DNAH3: variants seen among roughly 807,000 people sequenced by gnomAD.
The protein encoded by DNAH3 is axonemal beta dynein heavy chain 3.
A neutral mutation model predicts 432.5 loss-of-function variants in DNAH3; 332 were observed. That is an observed-to-expected ratio of 0.77 (90% confidence interval 0.70 to 0.84). The LOEUF (loss-of-function observed/expected upper bound fraction) is 0.84, where lower values mean the gene tolerates loss of function less well. Among genes scored for constraint, DNAH3 ranks in the 40% least tolerant of loss-of-function variants. The pLI, the probability that DNAH3 is intolerant of heterozygous loss-of-function variation, is 0.00. For synonymous variants in DNAH3, 1,956 were observed against 1,900.2 expected, an observed-to-expected ratio of 1.03 and a Z score of -0.76; for missense variants, 4,861 against 5,114.0, an observed-to-expected ratio of 0.95 and a Z score of 1.51.
At chr16:20,991,344 C>G (rs2086548935) in intron 44 of DNAH3, among the ~76,000 whole-genome samples, 1 of 152,058 alleles carries the variant, frequency 6.6e-6, no homozygotes, top group Admixed American at 6.6e-5. Flanking sequence ...CGGCTCACAG[C>G]AACCTCCACC....
At chr16:21,101,733 G>A (rs949002809) in intron 16 of DNAH3, among the ~76,000 whole-genome samples, 12 of 152,184 alleles carry the variant, frequency 7.9e-5, no homozygotes, top group African/African-American at 2.9e-4. Flanking sequence ...AGGAGGCATT[G>A]ACATCAGAGG....
chr16:21,063,357 T>C (rs957232449), intron 24 of DNAH3, among the ~76,000 whole-genome samples: 3 of 152,114 alleles, frequency 2.0e-5, no homozygotes, highest in Non-Finnish European at 4.4e-5. Context: ...GAGACTTCCT[T>C]GTCTTTCCTT....
intron 49 of DNAH3, 56 bp downstream of exon 49, chr16:20,982,665 G>A (rs2085964972): frequency 6.9e-7 from 1 of 1,445,212 alleles, no homozygotes; most frequent in South Asian, 1.3e-5. Flanking sequence ...AATAGAGCCA[G>A]CGTCTGGACT....
intron 1 of DNAH3, among the ~76,000 whole-genome samples, chr16:21,156,385 C>T (rs990920424): frequency 4.6e-5 from 7 of 152,038 alleles, no homozygotes; most frequent in Non-Finnish European, 1.5e-5. Flanking sequence ...GCATGTGCCA[C>T]TATGCCCGGC....
chr16:20,987,688 C>G lies in DNAH3; in HGVS notation c.6882+5G>C. The G allele has an allele frequency of 6.2e-7, 1 of 1,612,052 alleles. No individual in the cohort carries two copies. The highest frequency in any genetic ancestry group is 8.5e-7 in the Non-Finnish European group (1 of 1,178,360). On this transcript the variant is annotated splice_donor_5th_base_variant and intron_variant, in intron 46 of 61. Coordinates refer to ENST00000261383, the Ensembl canonical transcript of DNAH3. Reference sequence around the variant, plus strand: ...GATCTTGGTAGTAAAATGATAGTGGCTGACCTGCAGGTGTGTGTGAGGGCA... The same window carrying G: ...GATCTTGGTAGTAAAATGATAGTGGGTGACCTGCAGGTGTGTGTGAGGGCA...
chr16:20,947,837 C>T (rs919065243), intron 57 of DNAH3, among the ~76,000 whole-genome samples: 3 of 152,116 alleles, frequency 2.0e-5, no homozygotes, highest in Non-Finnish European at 4.4e-5. Context: ...AGTGCAGTGG[C>T]ATGGTCTCAG....
chr16:21,152,188 T>C (rs1370663748), intron 1 of DNAH3, among the ~76,000 whole-genome samples: 1 of 151,802 alleles, frequency 6.6e-6, no homozygotes. Context: ...GCACAGATCA[T>C]GCCACTGCAC....
chr16:20,985,053 G>T, intron 48 of DNAH3: 1 of 1,597,548 alleles, frequency 6.3e-7, no homozygotes, highest in South Asian at 1.1e-5. Flanking sequence ...TCTTACCGAG[G>T]ACAATGTGAA....
chr16:21,142,553 T>C (rs2092733851), intron 3 of DNAH3, among the ~76,000 whole-genome samples: 1 of 152,128 alleles, frequency 6.6e-6, no homozygotes, highest in Admixed American at 6.6e-5. Context: ...CAATAAGTGA[T>C]ATAAAAACTA....
At chr16:21,104,506 G>C (rs1471371524) in exon 16 of DNAH3, 1 of 1,613,904 alleles carries the variant, frequency 6.2e-7, no homozygotes, top group Admixed American at 1.7e-5. Context: ...GATCCCTCTT[G>C]TGAAGGAGCA....
intron 18 of DNAH3, among the ~76,000 whole-genome samples, chr16:21,095,155 G>A (rs8058903): frequency 0.3 from 45,282 of 152,056 alleles, 7,070 homozygotes; most frequent in East Asian, 0.4. Context: ...ACAAAAGTTT[G>A]GCATTTTCTT....
chr16:21,141,235 T>C, intron 4 of DNAH3, 65 bp downstream of exon 5: 1 of 1,122,288 alleles, frequency 8.9e-7, no homozygotes, highest in Non-Finnish European at 1.3e-6. Flanking sequence ...GTGGCTTTAG[T>C]GAGACCACAT....
At chr16:21,106,171 T>G (rs1414184130) in intron 15 of DNAH3, among the ~76,000 whole-genome samples, 4 of 111,966 alleles carry the variant, frequency 3.6e-5, no homozygotes. Flanking sequence ...AGAGCGAGAC[T>G]CCATCTAAAA....
intron 41 of DNAH3, among the ~76,000 whole-genome samples, chr16:21,016,009 A>G (rs1446094586): frequency 6.6e-6 from 1 of 152,084 alleles, no homozygotes; most frequent in Non-Finnish European, 1.5e-5. Context: ...GGCTTGTCTC[A>G]AAATCCTGGC....
intron 44 of DNAH3, among the ~76,000 whole-genome samples, chr16:20,988,624 A>G (rs962615865): frequency 6.6e-6 from 1 of 152,224 alleles, no homozygotes; most frequent in African/African-American, 2.4e-5. Context: ...TTTTTAAAAG[A>G]TAAAGGCAAT....
chr16:20,988,079 C>T lies in DNAH3; in HGVS notation c.6602-14G>A. The T allele has an allele frequency of 1.2e-6, 2 of 1,613,466 alleles. No homozygotes were observed. The highest frequency in any genetic ancestry group is 1.3e-5 in the African/African-American group (1 of 75,054). On this transcript the variant is annotated splice_polypyrimidine_tract_variant and intron_variant, in intron 44 of 61. Coordinates refer to ENST00000261383, the Ensembl canonical transcript of DNAH3. ...GAGTGAATCGTCCTGGGGAATACAA[C>T]ACACAAGTGAATCATCCTGGAAAAC...
chr16:21,146,737 C>T (rs1346586510), intron 1 of DNAH3, among the ~76,000 whole-genome samples: 2 of 151,144 alleles, frequency 1.3e-5, no homozygotes, highest in South Asian at 2.1e-4. Context: ...CTCCCCAACC[C>T]TTCCACTCCT....
chr16:21,065,355 T>A (rs1185240841), intron 24 of DNAH3, among the ~76,000 whole-genome samples: 1 of 151,984 alleles, frequency 6.6e-6, no homozygotes. Flanking sequence ...GAGACAGGGT[T>A]TCATCATGTT....
intron 16 of DNAH3, among the ~76,000 whole-genome samples, chr16:21,100,771 A>G (rs1022530837): frequency 6.6e-6 from 1 of 152,190 alleles, no homozygotes; most frequent in Non-Finnish European, 1.5e-5. Context: ...TCTGTTGTAC[A>G]TGCAATTAGG....
Sources: allele counts gnomAD v4.1 joint callset (sites outside exome capture counted in the v4.1 genomes callset), GRCh38; gene constraint gnomAD v4.1.1; transcripts MANE v1.5; gene names NCBI Gene and HGNC (gene_info 2026-07-23, HGNC 2026-07-21).